SLC12A9: variants seen among roughly 807,000 people sequenced by gnomAD.
SLC12A9 encodes solute carrier family 12 member 9.
SLC12A9 carries 55 observed loss-of-function variants against 66.0 expected under a neutral mutation model. That is an observed-to-expected ratio of 0.83 (90% CI 0.67 to 1.04). The LOEUF (loss-of-function observed/expected upper bound fraction) is 1.04, where lower values mean the gene tolerates loss of function less well. SLC12A9 is among the 50% of genes least tolerant of loss of function. The pLI, the probability that SLC12A9 is intolerant of heterozygous loss-of-function variation, is 0.00. For missense variants in SLC12A9, 1,061 were observed against 1,241.9 expected, an observed-to-expected ratio of 0.85 and a Z score of 2.19; for synonymous variants, 577 against 569.0, an observed-to-expected ratio of 1.01 and a Z score of -0.20.
intron 1 of SLC12A9, among the ~76,000 whole-genome samples, chr7:100,845,862 C>T (rs1275115732): frequency 6.6e-6 from 1 of 152,186 alleles, no homozygotes; most frequent in Non-Finnish European, 1.5e-5. Flanking sequence ...TTTATATAAT[C>T]AACTGAATCA....
chr7:100,853,015 T>C (rs1439624326), intron 1 of SLC12A9, among the ~76,000 whole-genome samples, 180 bp downstream of exon 1: 2 of 150,836 alleles, frequency 1.3e-5, no homozygotes, highest in Non-Finnish European at 3.0e-5. Context: ...TCTGTTTCGC[T>C]AGGGTGTGTT....
Position 100,866,817 on chromosome 7 carries a change from C to T in SLC12A9, c.*212C>T, listed in dbSNP as rs547110277. ...CACACTAACTCTGGGTGGCTGTCCC[C>T]ACCGTGCAGGGGAGGGAGTCCGCAG... On this transcript the variant is annotated 3_prime_UTR_variant, in exon 14 of 14. Coordinates refer to ENST00000354161, the MANE Select transcript of SLC12A9 (RefSeq NM_020246.4). This position sits in a 1 kb window ranked among gnomAD's most constrained non-coding sequence, Gnocchi z 7.3. The T allele has an allele frequency of 9.9e-4, 501 of 505,678 alleles. 5 individuals carry two copies. In the South Asian group the frequency reaches 0.011, roughly 11 times the overall value. The allele number at this position is 505,678 out of a possible 1,614,324, so 31.3% of individuals were successfully genotyped here.
At chr7:100,864,366 G>C (rs1441910281) in intron 13 of SLC12A9, among the ~76,000 whole-genome samples, 1 of 151,978 alleles carries the variant, frequency 6.6e-6, no homozygotes, top group African/African-American at 2.4e-5. Context: ...CATTTTAATG[G>C]GGGAAAAAAA....
At chr7:100,864,702 T>A (rs1034975235) in intron 13 of SLC12A9, among the ~76,000 whole-genome samples, 1 of 152,214 alleles carries the variant, frequency 6.6e-6, no homozygotes, top group Non-Finnish European at 1.5e-5. Flanking sequence ...CCCCAGTACC[T>A]ACCAGATATG....
chr7:100,859,305 C>G (rs1057202695), intron 7 of SLC12A9, 144 bp downstream of exon 7: 1 of 723,336 alleles, frequency 1.4e-6, no homozygotes, highest in African/African-American at 1.7e-5. Flanking sequence ...CAACCTATAG[C>G]CAGCAGCTGC....
intron 3 of SLC12A9, among the ~76,000 whole-genome samples, chr7:100,855,036 C>T (rs1351117646): frequency 2.0e-5 from 3 of 152,048 alleles, no homozygotes; most frequent in Admixed American, 1.3e-4. Flanking sequence ...TGATGGCACC[C>T]GCCTGTGATT....
chr7:100,848,624 C>T (rs778056161), upstream of SLC12A9, among the ~76,000 whole-genome samples: 87 of 152,096 alleles, frequency 5.7e-4, no homozygotes, highest in Non-Finnish European at 1.0e-3. Flanking sequence ...CAGTGGTTCA[C>T]GCCTGTAATT....
chr7:100,859,955 A>G lies in SLC12A9; in HGVS notation c.1048A>G (p.Ile350Val), dbSNP rs1028255135. ...GTGGCCCCCACTGGTGTTGATCGGA[A>G]TCTATGCCACAGCGCTCTCAGCGTC... ...SLWPPLVLIG[I>V]YATALSASMS... The change falls in exon 8 of 14, where the codon ATC becomes GTC. Residue 350 changes from isoleucine to valine, a missense_variant. Coordinates refer to ENST00000354161, the MANE Select transcript of SLC12A9 (RefSeq NM_020246.4). 3 of 1,612,540 alleles carry G rather than the reference A, an allele frequency of 1.9e-6. No homozygotes were observed. The African/African-American group carries it at 4.0e-5, about 22-fold the overall frequency.
At chr7:100,865,417 C>T (rs1250647941) in intron 13 of SLC12A9, 1 of 1,536,188 alleles carries the variant, frequency 6.5e-7, no homozygotes, top group South Asian at 1.2e-5. Flanking sequence ...CGGGAGTGGA[C>T]AGCATCCTCC....
chr7:100,865,491 T>G, intron 13 of SLC12A9: 2 of 1,531,926 alleles, frequency 1.3e-6, no homozygotes, highest in South Asian at 1.2e-5. Flanking sequence ...CCTGTTTAAG[T>G]GGAGGAGATT....
At chr7:100,830,043 GTAAA>G (rs1190773142) in intron 1 of SLC12A9, among the ~76,000 whole-genome samples, 1 of 146,608 alleles carries the variant, frequency 6.8e-6, no homozygotes, top group Non-Finnish European at 1.5e-5. Context: ...AATATATAAA[GTAAA>G]TAAATAAGTA....
In SLC12A9 at chr7:100,860,460, T is replaced by C. The variant is rs374749554; in HGVS notation, c.1218+228T>C. On this transcript the variant is annotated intron_variant, in intron 9 of 13. Coordinates refer to ENST00000354161, the MANE Select transcript of SLC12A9 (RefSeq NM_020246.4). ...GGCACCCTGGGAGGTTCACTGGCAC[T>C]TTTTGGGGTACACGGGCATTGTGCA... is the stretch of plus-strand genomic sequence containing the variant. 6 of 564,428 alleles carry C rather than the reference T, an allele frequency of 1.1e-5. No homozygotes were observed. The East Asian group carries it at 1.2e-4, about 11-fold the overall frequency. 35.0% of individuals were successfully genotyped at this position (564,428 alleles called of 1,614,324 possible).
chr7:100,864,868 T>C (rs1814981716), intron 13 of SLC12A9, among the ~76,000 whole-genome samples: 1 of 152,224 alleles, frequency 6.6e-6, no homozygotes, highest in South Asian at 2.1e-4. Flanking sequence ...GGTAAGCGGA[T>C]ACCATGCAAT....
intron 1 of SLC12A9, chr7:100,827,217 CCGCGCG>C (rs1177830099): frequency 3.1e-6 from 1 of 322,356 alleles, no homozygotes; most frequent in East Asian, 7.0e-5. Flanking sequence ...CGCGTCTGTG[CCGCGCG>C]CGCGGGCGGC....
chr7:100,844,012 G>T (rs1275840810), intron 1 of SLC12A9, among the ~76,000 whole-genome samples: 1 of 152,166 alleles, frequency 6.6e-6, no homozygotes, highest in African/African-American at 2.4e-5. Context: ...GACAAGCCCT[G>T]CTCCAGTCAC....
chr7:100,841,687 AAATTAG>A (rs1813794211), intron 1 of SLC12A9, among the ~76,000 whole-genome samples: 1 of 152,210 alleles, frequency 6.6e-6, no homozygotes, highest in Non-Finnish European at 1.5e-5. Context: ...AGTTTTATTA[AAATTAG>A]GTTTAACATT....
intron 1 of SLC12A9, among the ~76,000 whole-genome samples, chr7:100,827,766 G>A (rs937997497): frequency 3.9e-5 from 6 of 152,318 alleles, no homozygotes; most frequent in Admixed American, 3.3e-4. Context: ...GCGCCGTGGC[G>A]GTGCGCGCTG....
intron 1 of SLC12A9, among the ~76,000 whole-genome samples, chr7:100,832,415 G>A (rs575077282): frequency 3.9e-5 from 6 of 152,160 alleles, no homozygotes; most frequent in East Asian, 3.9e-4. Context: ...TGGGGAGGCC[G>A]AGGTGGGAGG....
upstream of SLC12A9, chr7:100,852,629 A>C (rs1271049375): frequency 3.4e-5 from 5 of 147,286 alleles, no homozygotes; most frequent in Non-Finnish European, 7.4e-5. Context: ...GCTGGGGAAG[A>C]GCAGAGAGGG....
Sources: gnomAD v4.1 joint callset for allele counts (sites outside exome capture counted in the v4.1 genomes callset) on GRCh38, gnomAD v4.1.1 for gene constraint, Gnocchi (gnomAD v3.1) non-coding constraint, MANE v1.5 for transcripts, NCBI Gene and HGNC (gene_info 2026-07-23, HGNC 2026-07-21) for gene names.